The following GSG1L variants were observed in gnomAD, a reference collection of about 807,000 sequenced individuals.
The protein encoded by GSG1L is GSG1 like.
In GSG1L, 24 loss-of-function variants were observed where a neutral mutation model predicts 42.1. That is an observed-to-expected ratio of 0.57 (90% CI 0.41 to 0.80). The LOEUF is 0.80. Ranked by LOEUF, GSG1L falls within the 30% of genes least tolerant of loss-of-function variation. The probability of loss-of-function intolerance (pLI) is 0.00; values close to 1 mark genes in which losing one functional copy is unlikely to be tolerated. For synonymous variants in GSG1L, 215 were observed against 203.5 expected, an observed-to-expected ratio of 1.06 and a Z score of -0.48; for missense variants, 445 against 472.2, an observed-to-expected ratio of 0.94 and a Z score of 0.53.
chr16:27,895,770 T>C (rs1596594445), intron 2 of GSG1L, among the ~76,000 whole-genome samples: 1 of 152,262 alleles, frequency 6.6e-6, no homozygotes, highest in East Asian at 1.9e-4. Flanking sequence ...CTTTAATAAG[T>C]CCGGAAAGCT....
chr16:28,003,859 G>A (rs984187724), intron 1 of GSG1L, among the ~76,000 whole-genome samples: 1 of 152,222 alleles, frequency 6.6e-6, no homozygotes, highest in African/African-American at 2.4e-5. Flanking sequence ...CAGAAGCAGG[G>A]GCAACAAAGG....
intron 1 of GSG1L, among the ~76,000 whole-genome samples, chr16:28,003,876 G>C (rs972689979): frequency 6.6e-6 from 1 of 152,220 alleles, no homozygotes; most frequent in Non-Finnish European, 1.5e-5. Context: ...AAGGGAAAAA[G>C]TCAAACCCAG....
At position 27,972,587 on chromosome 16, in the gene GSG1L, T is replaced by C. The variant is rs112060176; in HGVS notation, c.350-9384A>G. Reference sequence around the variant, plus strand: ...CTTGTCTCTCAATCACACTTCAGACTGGGGCTTGACAATTAGATCACAGAG... The same window carrying C: ...CTTGTCTCTCAATCACACTTCAGACCGGGGCTTGACAATTAGATCACAGAG... On this transcript the variant is annotated intron_variant, in intron 1 of 6. Coordinates refer to ENST00000447459, the MANE Select transcript of GSG1L (RefSeq NM_001109763.2). 8.4e-3 allele frequency among the ~76,000 whole-genome samples: 1,276 copies of C among 152,328 alleles called. 19 individuals are homozygous for C. Among genetic ancestry groups the C allele is most frequent in the African/African-American group, 0.029 (1,193 of 41,574 alleles).
chr16:28,040,692 C>G lies in GSG1L; in HGVS notation c.349+22384G>C, dbSNP rs1216656484. 6.6e-6 allele frequency among the ~76,000 whole-genome samples: 1 copy of G among 152,238 alleles called. No homozygotes were observed. The highest frequency in any genetic ancestry group is 1.5e-5 in the Non-Finnish European group (1 of 68,036). On this transcript the variant is annotated intron_variant, in intron 1 of 6. Coordinates refer to ENST00000447459, the MANE Select transcript of GSG1L (RefSeq NM_001109763.2). The surrounding 1 kb of genome is among the most constrained non-coding windows in gnomAD (Gnocchi z 4.1). The stretch of plus-strand genomic sequence containing the variant: ...CCCCCAGGCCTGAGAGCCTTCCCTC[C>G]ACTGGGCTCTGGCCCCTCTGGGCTT...
intron 5 of GSG1L, among the ~76,000 whole-genome samples, chr16:27,822,509 C>T (rs530972894): frequency 6.6e-5 from 10 of 152,246 alleles, no homozygotes; most frequent in African/African-American, 1.9e-4. Flanking sequence ...CTTGATCCCC[C>T]GGACTCAAGT....
chr16:28,054,319 C>T (rs1167724496), intron 1 of GSG1L, among the ~76,000 whole-genome samples: 1 of 152,238 alleles, frequency 6.6e-6, no homozygotes, highest in Non-Finnish European at 1.5e-5. Flanking sequence ...TGAGAAGGGA[C>T]CCTGCCCCCT....
chr16:27,892,329 C>G (rs1364797759), intron 2 of GSG1L, among the ~76,000 whole-genome samples: 1 of 151,882 alleles, frequency 6.6e-6, no homozygotes, highest in Non-Finnish European at 1.5e-5. Flanking sequence ...GTGGCGCGTG[C>G]CTGTAGCCCC....
chr16:27,992,481 G>C (rs2085466980), intron 1 of GSG1L, among the ~76,000 whole-genome samples: 2 of 143,586 alleles, frequency 1.4e-5, no homozygotes, highest in African/African-American at 5.0e-5. Context: ...GGCAACAAGA[G>C]TGAAACTCCA....
chr16:28,058,089 G>C (rs76865739), intron 1 of GSG1L, among the ~76,000 whole-genome samples: 2 of 152,230 alleles, frequency 1.3e-5, no homozygotes, highest in Non-Finnish European at 2.9e-5. Flanking sequence ...TCCGCCCAAC[G>C]AGCCTGGTTG....
chr16:27,989,243 C>T (rs1228652173), intron 1 of GSG1L, among the ~76,000 whole-genome samples: 1 of 152,022 alleles, frequency 6.6e-6, no homozygotes, highest in Non-Finnish European at 1.5e-5. Context: ...TATTATTTTG[C>T]AGTCATCCAG....
intron 1 of GSG1L, among the ~76,000 whole-genome samples, chr16:27,974,639 C>T (rs1258437203): frequency 1.3e-5 from 2 of 152,182 alleles, no homozygotes; most frequent in Non-Finnish European, 2.9e-5. Context: ...CCCTCACCAT[C>T]ACACACCATT....
chr16:27,876,398 C>A (rs911712448), intron 3 of GSG1L, among the ~76,000 whole-genome samples: 1 of 152,160 alleles, frequency 6.6e-6, no homozygotes, highest in Non-Finnish European at 1.5e-5. Context: ...AGGAAGGAAG[C>A]CTTCCTTGGG....
chr16:27,794,997 C>T (rs755295), intron 6 of GSG1L, among the ~76,000 whole-genome samples: 7,492 of 152,060 alleles, frequency 0.049, 210 homozygotes, highest in Admixed American at 0.076. Context: ...TGCCCTTCAG[C>T]AGCCTGCATA....
chr16:27,804,538 G>A (rs1021214482), intron 6 of GSG1L, among the ~76,000 whole-genome samples: 1 of 151,548 alleles, frequency 6.6e-6, no homozygotes, highest in Non-Finnish European at 1.5e-5. Flanking sequence ...TGAGGCAGGG[G>A]CCGTTGTCTT....
intron 1 of GSG1L, among the ~76,000 whole-genome samples, chr16:28,039,953 C>T (rs754241034): frequency 4.6e-5 from 7 of 152,284 alleles, no homozygotes; most frequent in East Asian, 3.9e-4. Flanking sequence ...CCTGTCCCCG[C>T]GCCCCTCCCT....
chr16:27,908,791 A>G (rs1325859995), intron 2 of GSG1L, among the ~76,000 whole-genome samples: 1 of 152,186 alleles, frequency 6.6e-6, no homozygotes. Flanking sequence ...CAACACATGA[A>G]TTTTTGGAGA....
intron 2 of GSG1L, among the ~76,000 whole-genome samples, chr16:27,925,443 G>C (rs1439730696): frequency 6.6e-6 from 1 of 152,156 alleles, no homozygotes; most frequent in Non-Finnish European, 1.5e-5. Flanking sequence ...ATTGGGAGAA[G>C]TGTTTAAATG....
chr16:27,796,172 C>G (rs1554089), intron 6 of GSG1L, among the ~76,000 whole-genome samples: 26 of 152,068 alleles, frequency 1.7e-4, no homozygotes, highest in Admixed American at 1.6e-3. Context: ...AAGTTCCTTC[C>G]GGCCAATCAC....
intron 2 of GSG1L, among the ~76,000 whole-genome samples, chr16:27,890,543 A>T (rs2084113618): frequency 6.6e-6 from 1 of 152,044 alleles, no homozygotes; most frequent in African/African-American, 2.4e-5. Flanking sequence ...TAAACTGATA[A>T]CCCCTGAGGG....
Sources: allele counts gnomAD v4.1 joint callset (sites outside exome capture counted in the v4.1 genomes callset), GRCh38; gene constraint gnomAD v4.1.1; non-coding constraint Gnocchi (gnomAD v3.1); transcripts MANE v1.5; gene names NCBI Gene and HGNC (gene_info 2026-07-23, HGNC 2026-07-21).